The following IGSF10 variants were observed in gnomAD, a reference collection of about 807,000 sequenced individuals.
IGSF10 encodes immunoglobulin superfamily member 10.
Under a neutral mutation model 128.2 loss-of-function variants are expected in IGSF10, and 126 were observed. That is an observed-to-expected ratio of 0.98 (90% confidence interval 0.85 to 1.14). IGSF10 has a LOEUF of 1.14. Among genes scored for constraint, IGSF10 ranks in the 50% most tolerant of loss-of-function variants. The probability of loss-of-function intolerance (pLI) is 0.00; values close to 1 mark genes in which losing one functional copy is unlikely to be tolerated. For missense variants in IGSF10, 3,295 were observed against 3,149.8 expected, an observed-to-expected ratio of 1.05 and a Z score of -1.10; for synonymous variants, 1,185 against 1,146.2, an observed-to-expected ratio of 1.03 and a Z score of -0.68.
the IGSF10 span, among the ~76,000 whole-genome samples, chr3:151,581,116 T>C: frequency 6.6e-6 from 1 of 152,206 alleles, no homozygotes; most frequent in Non-Finnish European, 1.5e-5. Flanking sequence ...CACATGTTCA[T>C]GGATCTTTTT....
At chr3:151,466,838 TA>T in the IGSF10 span, among the ~76,000 whole-genome samples, 6 of 152,236 alleles carry the variant, frequency 3.9e-5, no homozygotes, top group African/African-American at 1.4e-4. Context: ...CTCGGCCTCC[TA>T]AAGGGCTAGG....
chr3:151,542,751 G>C, the IGSF10 span, among the ~76,000 whole-genome samples: 1 of 152,136 alleles, frequency 6.6e-6, no homozygotes, highest in African/African-American at 2.4e-5. Flanking sequence ...CTGTAATCCT[G>C]TTAGATTACG....
chr3:151,463,545 T>TTTTTTTTTTTTTTTTTTTTTTTTTGTG (rs1722160343), upstream of IGSF10, among the ~76,000 whole-genome samples: 1 of 108,400 alleles, frequency 9.2e-6, no homozygotes, highest in Non-Finnish European at 1.8e-5. Flanking sequence ...TTTTTTTTTT[T>TTTTTTTTTTTTTTTTTTTTTTTTTGTG]TTTTTTTTTT....
Position 151,438,583 on chromosome 3 carries a change from A to G in IGSF10, c.5978T>C (p.Ile1993Thr), listed in dbSNP as rs201261892. Reference sequence around the variant, plus strand: ...CAGGGATCCATTAGGGTAGACGTGGATCCAGCTGCCCACTCTAAGGAGAAA... The same window carrying G: ...CAGGGATCCATTAGGGTAGACGTGGGTCCAGCTGCCCACTCTAAGGAGAAA... ...VDQQHRVGSW[I>T]HVYPNGSLFI... Residue 1993 changes from isoleucine to threonine, a missense_variant, in exon 8 of 8, where the codon ATC becomes ACC. Physicochemically the swap from Ile to Thr is moderately conservative, Grantham distance 89. Coordinates refer to ENST00000282466, the MANE Select transcript of IGSF10 (RefSeq NM_178822.5). 6.4e-5 allele frequency: 103 copies of G among 1,612,844 alleles called. No individual in the cohort carries two copies. The highest frequency in any genetic ancestry group is 6.8e-6 in the Non-Finnish European group (8 of 1,179,546).
chr3:151,593,692 AG>A, the IGSF10 span, among the ~76,000 whole-genome samples: 94 of 152,184 alleles, frequency 6.2e-4, no homozygotes, highest in African/African-American at 2.2e-3. Context: ...AAATAGCAAA[AG>A]TAGATAATAC....
chr3:151,555,943 C>T, the IGSF10 span, among the ~76,000 whole-genome samples: 1 of 152,134 alleles, frequency 6.6e-6, no homozygotes, highest in East Asian at 1.9e-4. Context: ...TATGCTCTTA[C>T]ACTCAAACCT....
the IGSF10 span, among the ~76,000 whole-genome samples, chr3:151,590,040 T>C: frequency 1.3e-5 from 2 of 152,242 alleles, no homozygotes; most frequent in South Asian, 4.1e-4. Flanking sequence ...TATTTTTTTA[T>C]TTTTTAGGTT....
the IGSF10 span, among the ~76,000 whole-genome samples, chr3:151,564,882 A>C: frequency 6.6e-6 from 1 of 152,178 alleles, no homozygotes; most frequent in African/African-American, 2.4e-5. Flanking sequence ...AGTAAGAATC[A>C]TGGTAATGGT....
At position 151,436,604 on chromosome 3, in the gene IGSF10, C is replaced by A; in HGVS notation, c.*85G>T. 2 of 908,456 alleles carry A rather than the reference C, an allele frequency of 2.2e-6. No homozygotes were observed. The highest frequency in any genetic ancestry group is 3.4e-5 in the South Asian group (2 of 59,316). The allele number at this position is 908,456 out of a possible 1,614,324, so 56.3% of individuals were successfully genotyped here. On this transcript the variant is annotated 3_prime_UTR_variant, in exon 8 of 8. Transcript: ENST00000282466. The stretch of plus-strand genomic sequence containing the variant: ...TTAATACTGTAAATGTATTCAAATT[C>A]ATTTACATGCCTATGGCTGCCTTTG...
chr3:151,601,768 C>A, the IGSF10 span, among the ~76,000 whole-genome samples: 1 of 152,196 alleles, frequency 6.6e-6, no homozygotes. Context: ...GTAATAGACA[C>A]CCCAGGAACA....
At chr3:151,610,485 G>A in the IGSF10 span, among the ~76,000 whole-genome samples, 1 of 152,160 alleles carries the variant, frequency 6.6e-6, no homozygotes, top group African/African-American at 2.4e-5. Context: ...AGGTGTGATA[G>A]CTAGTCAGAC....
chr3:151,583,743 T>C, the IGSF10 span, among the ~76,000 whole-genome samples: 2 of 152,196 alleles, frequency 1.3e-5, no homozygotes, highest in African/African-American at 4.8e-5. Flanking sequence ...AAATAATAAG[T>C]CTGCTTAATT....
chr3:151,535,184 T>C, the IGSF10 span, among the ~76,000 whole-genome samples: 1 of 152,220 alleles, frequency 6.6e-6, no homozygotes, highest in African/African-American at 2.4e-5. Flanking sequence ...TTATCATCCC[T>C]TATTTTATTC....
At position 151,453,706 on chromosome 3, in the gene IGSF10, C is replaced by G. The variant is rs1005804758; in HGVS notation, c.393G>C (p.Leu131Phe). The change falls in exon 5 of 8, where the codon TTG becomes TTC. Residue 131 changes from leucine to phenylalanine, a missense_variant. Leu to Phe is a conservative substitution (Grantham distance 22). Transcript: ENST00000282466. ...QKDTFYGLRS[L>F]TRLHMDHNNI... ...TGTTGTGGTCCATGTGCAATCGTGT[C>G]AAGCTCCTGAGGCCATAAAAAGTAT... 1 of 1,610,636 alleles carries G rather than the reference C, an allele frequency of 6.2e-7. No homozygotes were observed. Among genetic ancestry groups the G allele is most frequent in the Non-Finnish European group, 8.5e-7 (1 of 1,177,440 alleles).
At chr3:151,502,070 T>C in the IGSF10 span, among the ~76,000 whole-genome samples, 3 of 152,220 alleles carry the variant, frequency 2.0e-5, no homozygotes, top group African/African-American at 7.2e-5. Context: ...TCCAGCCACA[T>C]GTCTAAAATG....
chr3:151,448,787 C>T lies in IGSF10; in HGVS notation c.1194G>A (p.Pro398=), dbSNP rs146034413. ...CCTGTTTATATTTGTAATAGAGCTG[C>T]GGTGTTTCACTAAGCAAGTGGCTCC... is the stretch of plus-strand genomic sequence containing the variant. ...LERSHLLSET[P]QLYYKYKQVA... Residue 398 remains proline, a synonymous_variant, in exon 6 of 8, where the codon CCG becomes CCA. Transcript: ENST00000282466. 7.9e-5 allele frequency: 128 copies of T among 1,613,526 alleles called. No homozygotes were observed. In the African/African-American group the frequency reaches 8.8e-4, roughly 11 times the overall value.
chr3:151,580,767 T>G, the IGSF10 span, among the ~76,000 whole-genome samples: 4 of 152,218 alleles, frequency 2.6e-5, no homozygotes, highest in African/African-American at 9.6e-5. Context: ...ATTTATTGCC[T>G]TTGTAATTCT....
At chr3:151,584,781 T>C in the IGSF10 span, among the ~76,000 whole-genome samples, 1 of 152,156 alleles carries the variant, frequency 6.6e-6, no homozygotes, top group Non-Finnish European at 1.5e-5. Context: ...ATTGTTGGGG[T>C]TGGGAGCATA....
chr3:151,499,726 C>T, the IGSF10 span: 77,064 of 151,848 alleles, frequency 0.51, 20,290 homozygotes, highest in African/African-American at 0.64. Context: ...GTGCCCCATT[C>T]GCTCCAACTC....
Sources: gnomAD v4.1 joint callset for allele counts (sites outside exome capture counted in the v4.1 genomes callset) on GRCh38, gnomAD v4.1.1 for gene constraint, MANE v1.5 for transcripts, NCBI Gene and HGNC (gene_info 2026-07-23, HGNC 2026-07-21) for gene names.